SLA: variants seen among roughly 807,000 people sequenced by gnomAD.
SLA encodes src-like-adapter.
SLA carries 16 observed loss-of-function variants against 30.3 expected under a neutral mutation model. That is an observed-to-expected ratio of 0.53 (90% CI 0.36 to 0.80). The LOEUF is 0.80. SLA is among the 30% of genes least tolerant of loss of function. The pLI is 0.01. For missense variants in SLA, 310 were observed against 345.2 expected (o/e 0.90, Z 0.81); for synonymous variants, 143 against 137.8 (o/e 1.04, Z -0.26).
chr8:133,061,855 G>A (rs899520058), intron 2 of SLA, among the ~76,000 whole-genome samples: 12 of 152,154 alleles, frequency 7.9e-5, no homozygotes, highest in Non-Finnish European at 1.5e-4. Flanking sequence ...AGGGAGGTCT[G>A]CACTGCTCCA....
intron 3 of SLA, among the ~76,000 whole-genome samples, chr8:133,051,487 A>G (rs1338511266): frequency 6.6e-6 from 1 of 152,216 alleles, no homozygotes; most frequent in Non-Finnish European, 1.5e-5. Context: ...CTCTGAGGTT[A>G]AACAAAATAC....
chr8:133,075,628 A>G (rs113350165), intron 1 of SLA, among the ~76,000 whole-genome samples: 3,671 of 152,270 alleles, frequency 0.024, 151 homozygotes, highest in African/African-American at 0.084. Flanking sequence ...TCGTATCATG[A>G]CGGCTATATC....
chr8:133,087,161 G>A (rs951637755), intron 1 of SLA, among the ~76,000 whole-genome samples: 10 of 151,442 alleles, frequency 6.6e-5, no homozygotes, highest in Non-Finnish European at 1.2e-4. Flanking sequence ...ATTTAACAGT[G>A]GTTTTCTTTG....
At chr8:133,043,521 G>T (rs1218531776) in intron 7 of SLA, among the ~76,000 whole-genome samples, 1 of 152,196 alleles carries the variant, frequency 6.6e-6, no homozygotes, top group Non-Finnish European at 1.5e-5. Context: ...GACAGGCTAT[G>T]CTGAACGCAC....
intron 1 of SLA, chr8:133,096,466 A>G (rs959982119): frequency 4.6e-5 from 68 of 1,480,324 alleles, no homozygotes; most frequent in Non-Finnish European, 5.8e-5. Context: ...ATATTGACCA[A>G]TTGCTGAGTA....
chr8:133,102,599 T>C lies in SLA; in HGVS notation c.-365A>G. On this transcript the variant is annotated 5_prime_UTR_variant, in exon 1 of 9. Transcript: ENST00000338087. Reference sequence around the variant, plus strand: ...TGAGATGTTCTCCATTCGCAGCAAATGATCTTATTTTCTGAAGTAGCAGCT... The same window carrying C: ...TGAGATGTTCTCCATTCGCAGCAAACGATCTTATTTTCTGAAGTAGCAGCT... The C allele has an allele frequency of 1.3e-6, 2 of 1,549,506 alleles. No individual in the cohort carries two copies. The highest frequency in any genetic ancestry group is 1.7e-6 in the Non-Finnish European group (2 of 1,145,070).
At chr8:133,056,091 A>T (rs1189029175) in intron 3 of SLA, among the ~76,000 whole-genome samples, 1 of 152,188 alleles carries the variant, frequency 6.6e-6, no homozygotes, top group Non-Finnish European at 1.5e-5. Flanking sequence ...AGGGCAGGGC[A>T]TGGCTGTGTT....
intron 1 of SLA, among the ~76,000 whole-genome samples, chr8:133,085,813 C>T (rs1185828886): frequency 6.6e-6 from 1 of 152,194 alleles, no homozygotes; most frequent in Non-Finnish European, 1.5e-5. Context: ...AGTTTGGCAA[C>T]TTCTCAGAAG....
chr8:133,047,761 A>G (rs778275047), intron 6 of SLA, 69 bp downstream of exon 6: 6 of 876,594 alleles, frequency 6.8e-6, no homozygotes, highest in Non-Finnish European at 9.9e-6. Flanking sequence ...AAGCCGTGTA[A>G]TGAGTCAGCC....
intron 1 of SLA, among the ~76,000 whole-genome samples, chr8:133,089,179 C>T (rs1348797564): frequency 6.6e-6 from 1 of 152,196 alleles, no homozygotes; most frequent in African/African-American, 2.4e-5. Flanking sequence ...CAGATGCTCC[C>T]CACTCCAGTC....
chr8:133,047,768 A>G (rs1839717840), intron 6 of SLA, 62 bp downstream of exon 6: 1 of 925,312 alleles, frequency 1.1e-6, no homozygotes, highest in Admixed American at 1.7e-5. Context: ...GTAATGAGTC[A>G]GCCAGGAGCA....
chr8:133,060,131 C>G lies in SLA; in HGVS notation c.30G>C (p.Ala10=). 2 of 1,610,934 alleles carry G rather than the reference C, an allele frequency of 1.2e-6. No individual in the cohort carries two copies. Among genetic ancestry groups the G allele is most frequent in the Non-Finnish European group, 1.7e-6 (2 of 1,179,078 alleles). ...GGTTGGGCAGGGGCCTCTCGGCAGG[C>G]GCAGGGGTGGATTTCATGCTGTTTC... The part of the protein sequence containing the change: MGNSMKSTP[A]PAERPLPNPE... The change falls in exon 3 of 9, where the codon GCG becomes GCC. Residue 10 remains alanine, a synonymous_variant. Coordinates refer to ENST00000338087, the MANE Select transcript of SLA (RefSeq NM_001045556.3).
intron 4 of SLA, 29 bp downstream of exon 4, chr8:133,050,787 A>T: frequency 7.2e-7 from 1 of 1,396,938 alleles, no homozygotes; most frequent in Non-Finnish European, 1.0e-6. Flanking sequence ...TGCTTTGAAG[A>T]TTGCACAAGT....
intron 3 of SLA, among the ~76,000 whole-genome samples, chr8:133,052,444 T>A (rs574549913): frequency 6.6e-6 from 1 of 152,326 alleles, no homozygotes; most frequent in South Asian, 2.1e-4. Flanking sequence ...TCAGGGCTTT[T>A]GAGAAACAGT....
intron 2 of SLA, among the ~76,000 whole-genome samples, chr8:133,071,342 C>A (rs1843994789): frequency 6.6e-6 from 1 of 152,216 alleles, no homozygotes; most frequent in Non-Finnish European, 1.5e-5. Flanking sequence ...GGAGGTGGTA[C>A]TGGAATCCAG....
At position 133,049,902 on chromosome 8, in the gene SLA, C is replaced by T. The variant is rs755878591; in HGVS notation, c.248G>A (p.Gly83Asp). 6.9e-6 allele frequency: 11 copies of T among 1,595,776 alleles called. No homozygotes were observed. Among genetic ancestry groups the T allele is most frequent in the Non-Finnish European group, 9.5e-6 (11 of 1,163,358 alleles). Residue 83 changes from glycine to aspartate, a missense_variant and splice_region_variant, in exon 5 of 9, where the codon GGC (glycine) becomes GAC (aspartate). Physicochemically the swap from Gly to Asp is moderately conservative, Grantham distance 94. Transcript: ENST00000338087. ...GCTGCCATTTGAGAAATGTACTCACCCATGGTAAACTCTGGCCACACATAT... is the reference window on the plus strand; with the variant it reads ...GCTGCCATTTGAGAAATGTACTCACTCATGGTAAACTCTGGCCACACATAT... ...PGICVARVYH[G>D]WLFEGLGRDK...
intron 3 of SLA, among the ~76,000 whole-genome samples, chr8:133,058,679 C>G (rs1639645674): frequency 6.6e-6 from 1 of 152,212 alleles, no homozygotes; most frequent in Non-Finnish European, 1.5e-5. Flanking sequence ...GCCCGGCATT[C>G]TCCTGACAGC....
intron 2 of SLA, among the ~76,000 whole-genome samples, chr8:133,062,476 G>C (rs532399182): frequency 2.6e-5 from 4 of 152,254 alleles, no homozygotes; most frequent in Admixed American, 6.5e-5. Context: ...GCATCTCCCC[G>C]GTGCCGGGCC....
At chr8:133,041,490 G>A (rs965577782) in intron 7 of SLA, among the ~76,000 whole-genome samples, 12 of 152,140 alleles carry the variant, frequency 7.9e-5, no homozygotes, top group African/African-American at 1.4e-4. Context: ...AGATTTAATC[G>A]GGTGGGAATC....
Sources: gnomAD v4.1 joint callset for allele counts (sites outside exome capture counted in the v4.1 genomes callset) on GRCh38, gnomAD v4.1.1 for gene constraint, MANE v1.5 for transcripts, NCBI Gene and HGNC (gene_info 2026-07-23, HGNC 2026-07-21) for gene names.